Variants in ANGPT1 observed in about 807,000 individuals in gnomAD.
The protein encoded by ANGPT1 is angiopoietin-1.
A neutral mutation model predicts 62.2 loss-of-function variants in ANGPT1; 17 were observed. The observed-to-expected ratio is 0.27, with a 90% CI of 0.19 to 0.41. The LOEUF (loss-of-function observed/expected upper bound fraction) is 0.41. Among genes scored for constraint, ANGPT1 ranks in the 10% least tolerant of loss-of-function variants. The probability of loss-of-function intolerance (pLI) is 1.00; values close to 1 mark genes in which losing one functional copy is unlikely to be tolerated. For missense variants in ANGPT1, 478 were observed against 594.9 expected (o/e 0.80, Z 2.04); for synonymous variants, 199 against 198.9 (o/e 1.00, Z 0.00).
intron 1 of ANGPT1, among the ~76,000 whole-genome samples, chr8:107,470,535 T>G (rs1255923578): frequency 5.3e-5 from 8 of 152,104 alleles, no homozygotes; most frequent in Non-Finnish European, 7.4e-5. Flanking sequence ...ATATTAGCCC[T>G]TTGTCAGATG....
intron 1 of ANGPT1, among the ~76,000 whole-genome samples, chr8:107,423,754 A>G (rs1467959998): frequency 6.7e-6 from 1 of 148,880 alleles, no homozygotes; most frequent in Admixed American, 6.7e-5. Context: ...CTTTCACTGT[A>G]CCTTAGTTCT....
At chr8:107,390,032 T>C (rs917598765) in intron 1 of ANGPT1, among the ~76,000 whole-genome samples, 5 of 152,114 alleles carry the variant, frequency 3.3e-5, no homozygotes, top group Admixed American at 6.6e-5. Flanking sequence ...TGGTAAATTA[T>C]GAATTTCAAA....
At chr8:107,345,309 C>G (rs1201541677) in intron 2 of ANGPT1, among the ~76,000 whole-genome samples, 1 of 152,062 alleles carries the variant, frequency 6.6e-6, no homozygotes, top group Non-Finnish European at 1.5e-5. Flanking sequence ...GTACCATTTT[C>G]AATAAAGTAC....
intron 1 of ANGPT1, among the ~76,000 whole-genome samples, chr8:107,448,852 C>T (rs747112108): frequency 3.9e-5 from 6 of 152,030 alleles, no homozygotes; most frequent in Non-Finnish European, 8.8e-5. Context: ...AAGACATAGC[C>T]AGAACTATAT....
chr8:107,333,996 G>GGGAA (rs1228905079), intron 3 of ANGPT1, among the ~76,000 whole-genome samples: 13,032 of 70,328 alleles, frequency 0.19, 1,605 homozygotes, highest in Middle Eastern at 0.33. Context: ...GAGGGAGGGA[G>GGGAA]GGAAGGAAGG....
At chr8:107,437,503 T>C (rs1396779865) in intron 1 of ANGPT1, among the ~76,000 whole-genome samples, 1 of 152,202 alleles carries the variant, frequency 6.6e-6, no homozygotes, top group Non-Finnish European at 1.5e-5. Context: ...TCAAGGCAAT[T>C]ATATTAAGTA....
chr8:107,413,654 AAATT>A (rs1410938731), intron 1 of ANGPT1, among the ~76,000 whole-genome samples: 1 of 150,270 alleles, frequency 6.7e-6, no homozygotes, highest in East Asian at 1.9e-4. Flanking sequence ...TTGAAATATT[AAATT>A]AATATTATAA....
chr8:107,495,114 G>T (rs572217758), intron 1 of ANGPT1: 1 of 152,104 alleles, frequency 6.6e-6, no homozygotes, highest in Non-Finnish European at 1.5e-5. Context: ...CTAATTAAGG[G>T]AAACTTATGA....
intron 4 of ANGPT1, among the ~76,000 whole-genome samples, chr8:107,319,816 T>C (rs1158559112): frequency 6.6e-6 from 1 of 152,026 alleles, no homozygotes; most frequent in Non-Finnish European, 1.5e-5. Flanking sequence ...TTATGAGTTC[T>C]AAAAGTAACT....
intron 1 of ANGPT1, among the ~76,000 whole-genome samples, chr8:107,402,244 T>C (rs1000599046): frequency 2.0e-5 from 3 of 152,192 alleles, no homozygotes; most frequent in African/African-American, 7.2e-5. Context: ...TGTTTCAGGT[T>C]GAGATCTTCT....
chr8:107,472,788 C>T (rs1586351595), intron 1 of ANGPT1, among the ~76,000 whole-genome samples: 1 of 152,060 alleles, frequency 6.6e-6, no homozygotes, highest in East Asian at 1.9e-4. Flanking sequence ...CACTCACACA[C>T]ACATACATAT....
intron 1 of ANGPT1, among the ~76,000 whole-genome samples, chr8:107,454,916 G>T (rs1164827405): frequency 1.3e-5 from 2 of 152,050 alleles, no homozygotes; most frequent in Non-Finnish European, 2.9e-5. Context: ...TGTCTAGGGT[G>T]TACTTCCTCA....
At chr8:107,464,224 A>G (rs1026810555) in intron 1 of ANGPT1, among the ~76,000 whole-genome samples, 22 of 152,266 alleles carry the variant, frequency 1.4e-4, no homozygotes, top group African/African-American at 4.8e-4. Flanking sequence ...AGGAGATAAT[A>G]CACATATAGT....
At chr8:107,372,054 A>G (rs1816426359) in intron 1 of ANGPT1, among the ~76,000 whole-genome samples, 1 of 152,126 alleles carries the variant, frequency 6.6e-6, no homozygotes, top group South Asian at 2.1e-4. Flanking sequence ...AATGTGTTGT[A>G]TGATATTAGG....
At chr8:107,448,244 A>G (rs1424374827) in intron 1 of ANGPT1, among the ~76,000 whole-genome samples, 1 of 152,204 alleles carries the variant, frequency 6.6e-6, no homozygotes, top group Non-Finnish European at 1.5e-5. Context: ...AAATTGTTCA[A>G]AGTATTTTGT....
At chr8:107,321,425 GTC>G (rs921560705) in intron 4 of ANGPT1, among the ~76,000 whole-genome samples, 2 of 152,030 alleles carry the variant, frequency 1.3e-5, no homozygotes, top group African/African-American at 4.8e-5. Flanking sequence ...CAAATAGTCT[GTC>G]TCCGTTTCTC....
intron 1 of ANGPT1, among the ~76,000 whole-genome samples, chr8:107,351,416 G>C (rs1815928354): frequency 6.6e-6 from 1 of 151,984 alleles, no homozygotes. Flanking sequence ...AGACATCAAA[G>C]AAAAATCTCA....
intron 1 of ANGPT1, among the ~76,000 whole-genome samples, chr8:107,433,162 G>A (rs1267763304): frequency 6.6e-6 from 1 of 152,016 alleles, no homozygotes; most frequent in African/African-American, 2.4e-5. Flanking sequence ...AGGGGAAATT[G>A]GGCTGGTTGT....
At chr8:107,395,471 A>T (rs16876217) in intron 1 of ANGPT1, among the ~76,000 whole-genome samples, 25,272 of 152,056 alleles carry the variant, frequency 0.17, 2,862 homozygotes, top group East Asian at 0.57. Flanking sequence ...CACAAGTTTC[A>T]TGATTCTACT....
Sources: allele counts gnomAD v4.1 joint callset (sites outside exome capture counted in the v4.1 genomes callset), GRCh38; gene constraint gnomAD v4.1.1; transcripts MANE v1.5; gene names NCBI Gene and HGNC (gene_info 2026-07-23, HGNC 2026-07-21).